Variants in PDE8B observed in about 807,000 individuals in gnomAD.
PDE8B encodes the protein high affinity cAMP-specific and IBMX-insensitive 3',5'-cyclic phosphodiesterase 8B.
PDE8B carries 26 observed loss-of-function variants against 101.3 expected under a neutral mutation model. The observed-to-expected ratio is 0.26, with a 90% confidence interval of 0.19 to 0.36. The LOEUF (loss-of-function observed/expected upper bound fraction) is 0.36. PDE8B is among the 10% of genes least tolerant of loss of function. The probability of loss-of-function intolerance (pLI) is 1.00; values close to 1 mark genes in which losing one functional copy is unlikely to be tolerated. For missense variants in PDE8B, 810 were observed against 1,163.1 expected, an observed-to-expected ratio of 0.70 and a Z score of 4.42; for synonymous variants, 424 against 429.3, an observed-to-expected ratio of 0.99 and a Z score of 0.15.
At chr5:77,353,548 T>G (rs1433301840) in intron 10 of PDE8B, 142 bp downstream of exon 10, 4 of 694,718 alleles carry the variant, frequency 5.8e-6, no homozygotes, top group Non-Finnish European at 1.1e-5. Context: ...TGGGAAAATT[T>G]GGTTCCTCTG....
Position 77,211,006 on chromosome 5 carries a change from C to G in PDE8B, c.81C>G (p.Arg27=). 6.5e-7 allele frequency: 1 copy of G among 1,549,664 alleles called. No individual in the cohort carries two copies. Among genetic ancestry groups the G allele is most frequent in the Non-Finnish European group, 8.6e-7 (1 of 1,157,956 alleles). The change falls in exon 1 of 22, where the codon CGC becomes CGG. Residue 27 remains arginine, a synonymous_variant. Coordinates refer to ENST00000264917, the MANE Select transcript of PDE8B (RefSeq NM_003719.5). The surrounding 1 kb of genome is among the most constrained non-coding windows in gnomAD (Gnocchi z 4.1). ...ACTCGGACGAGTCCAGCTCGCCCCG[C>G]CAGACCACCAGCGTGTCGCAGGGCC... ...CRDSDESSSP[R]QTTSVSQGPA...
intron 1 of PDE8B, among the ~76,000 whole-genome samples, chr5:77,280,751 G>T (rs1412207111): frequency 6.6e-6 from 1 of 152,144 alleles, no homozygotes; most frequent in African/African-American, 2.4e-5. Context: ...AAAAAAATTA[G>T]CTGGGTGTGG....
the PDE8B span, among the ~76,000 whole-genome samples, chr5:77,178,798 C>G: frequency 8.4e-3 from 1,283 of 152,266 alleles, 15 homozygotes; most frequent in African/African-American, 0.028. Context: ...GGTTCACTTT[C>G]AGGCTCTCCT....
intron 1 of PDE8B, among the ~76,000 whole-genome samples, chr5:77,239,672 C>G (rs545746949): frequency 6.6e-6 from 1 of 152,326 alleles, no homozygotes; most frequent in Admixed American, 6.5e-5. Context: ...TGATCCAATT[C>G]CAATCTCTTA....
intron 1 of PDE8B, among the ~76,000 whole-genome samples, chr5:77,277,077 C>T (rs1436530038): frequency 6.6e-6 from 1 of 152,094 alleles, no homozygotes; most frequent in East Asian, 1.9e-4. Context: ...AGTTTTCCCA[C>T]AGCATGTGAA....
chr5:77,420,934 G>T (rs1001353807), intron 19 of PDE8B, among the ~76,000 whole-genome samples: 11 of 152,224 alleles, frequency 7.2e-5, no homozygotes, highest in Non-Finnish European at 1.0e-4. Context: ...AATAGGTCCA[G>T]TCTTAAACCC....
intron 17 of PDE8B, among the ~76,000 whole-genome samples, chr5:77,416,192 G>A (rs1795519606): frequency 6.6e-6 from 1 of 152,134 alleles, no homozygotes; most frequent in Admixed American, 6.5e-5. Context: ...CTGAGGGCAT[G>A]GTTTAAATCA....
intron 1 of PDE8B, among the ~76,000 whole-genome samples, chr5:77,278,041 G>T (rs1764187435): frequency 6.6e-6 from 1 of 152,176 alleles, no homozygotes; most frequent in South Asian, 2.1e-4. Flanking sequence ...GGCACCAAAT[G>T]CTCTTATGTC....
At chr5:77,183,904 T>C in the PDE8B span, among the ~76,000 whole-genome samples, 1 of 152,200 alleles carries the variant, frequency 6.6e-6, no homozygotes, top group African/African-American at 2.4e-5. Context: ...TAGATATTTC[T>C]GGTGAATCTG....
the PDE8B span, among the ~76,000 whole-genome samples, chr5:77,092,727 T>A: frequency 6.6e-6 from 1 of 152,048 alleles, no homozygotes; most frequent in Non-Finnish European, 1.5e-5. Flanking sequence ...GAGACCAGCC[T>A]GGACGACATG....
chr5:77,250,957 AAAT>A (rs1561416077), intron 1 of PDE8B, among the ~76,000 whole-genome samples: 2 of 152,254 alleles, frequency 1.3e-5, no homozygotes, highest in Admixed American at 1.3e-4. Flanking sequence ...ATACTGGACT[AAAT>A]AACCATCTGT....
intron 17 of PDE8B, among the ~76,000 whole-genome samples, chr5:77,414,565 C>T (rs1250236666): frequency 2.0e-5 from 3 of 151,368 alleles, no homozygotes; most frequent in East Asian, 1.9e-4. Flanking sequence ...GGACTACAGG[C>T]GTAGGCCACC....
At chr5:77,275,072 C>T (rs547924056) in intron 1 of PDE8B, among the ~76,000 whole-genome samples, 82 of 152,292 alleles carry the variant, frequency 5.4e-4, no homozygotes, top group African/African-American at 2.0e-3. Flanking sequence ...ATCACACACA[C>T]ACACTAGTTG....
intron 1 of PDE8B, chr5:77,291,763 G>A: frequency 1.3e-6 from 2 of 1,582,378 alleles, no homozygotes; most frequent in East Asian, 2.2e-5. Flanking sequence ...ATCAACTACA[G>A]TAAAGACTTT....
At chr5:77,369,333 G>A (rs1158655523) in intron 10 of PDE8B, among the ~76,000 whole-genome samples, 1 of 151,974 alleles carries the variant, frequency 6.6e-6, no homozygotes, top group Non-Finnish European at 1.5e-5. Flanking sequence ...GGCCCCACCT[G>A]AGTAGCAGGG....
At chr5:77,160,754 G>C in the PDE8B span, among the ~76,000 whole-genome samples, 12 of 152,032 alleles carry the variant, frequency 7.9e-5, no homozygotes, top group Non-Finnish European at 8.8e-5. Context: ...AGGCTCAAGT[G>C]ATCCTCCCAC....
At chr5:77,182,047 T>TG in the PDE8B span, among the ~76,000 whole-genome samples, 39,480 of 151,682 alleles carry the variant, frequency 0.26, 7,116 homozygotes, top group East Asian at 0.82. Flanking sequence ...GAGCATGGAT[T>TG]GGAGGCCAGG....
At chr5:77,126,069 G>A in the PDE8B span, among the ~76,000 whole-genome samples, 2 of 152,044 alleles carry the variant, frequency 1.3e-5, no homozygotes, top group South Asian at 2.1e-4. Context: ...GGCGGATCAC[G>A]AGGTCAGGAG....
At chr5:77,312,705 G>T (rs561982376) in intron 2 of PDE8B, among the ~76,000 whole-genome samples, 1 of 152,198 alleles carries the variant, frequency 6.6e-6, no homozygotes, top group Non-Finnish European at 1.5e-5. Flanking sequence ...ATTATGCCTC[G>T]GGAAATTGTA....
Sources: allele counts gnomAD v4.1 joint callset (sites outside exome capture counted in the v4.1 genomes callset), GRCh38; gene constraint gnomAD v4.1.1; non-coding constraint Gnocchi (gnomAD v3.1); transcripts MANE v1.5; gene names NCBI Gene and HGNC (gene_info 2026-07-23, HGNC 2026-07-21).